CALCRL: variants seen among roughly 807,000 people sequenced by gnomAD.
CALCRL encodes calcitonin gene-related peptide type 1 receptor.
In CALCRL, 27 loss-of-function variants were observed where a neutral mutation model predicts 60.4. The ratio of observed to expected loss-of-function variants is 0.45; its 90% CI spans 0.33 to 0.62. The LOEUF (loss-of-function observed/expected upper bound fraction) is 0.62. Among genes scored for constraint, CALCRL ranks in the 20% least tolerant of loss-of-function variants. The pLI, the probability that CALCRL is intolerant of heterozygous loss-of-function variation, is 0.03. For synonymous variants in CALCRL, 190 were observed against 182.6 expected, an observed-to-expected ratio of 1.04 and a Z score of -0.33; for missense variants, 424 against 540.7, an observed-to-expected ratio of 0.78 and a Z score of 2.14.
intron 1 of CALCRL, among the ~76,000 whole-genome samples, chr2:187,404,436 AGT>A (rs1392748408): frequency 6.6e-6 from 1 of 151,918 alleles, no homozygotes; most frequent in Non-Finnish European, 1.5e-5. Flanking sequence ...TTTTTATAAA[AGT>A]TCAAATCATC....
At chr2:187,376,318 G>A (rs1490949346) in intron 8 of CALCRL, among the ~76,000 whole-genome samples, 1 of 151,604 alleles carries the variant, frequency 6.6e-6, no homozygotes, top group African/African-American at 2.4e-5. Context: ...TAGTAATTTG[G>A]ATTCTTGAAA....
intron 8 of CALCRL, among the ~76,000 whole-genome samples, chr2:187,363,932 T>A (rs1258698678): frequency 6.6e-6 from 1 of 152,206 alleles, no homozygotes; most frequent in South Asian, 2.1e-4. Context: ...ACCATATATA[T>A]TGTTCTGTTT....
chr2:187,410,927 A>G (rs1163831305), intron 1 of CALCRL, among the ~76,000 whole-genome samples: 1 of 152,002 alleles, frequency 6.6e-6, no homozygotes, highest in Non-Finnish European at 1.5e-5. Context: ...CACAGGATTT[A>G]ATGGGATTTA....
At chr2:187,375,062 G>A (rs1211159649) in intron 8 of CALCRL, among the ~76,000 whole-genome samples, 1 of 151,496 alleles carries the variant, frequency 6.6e-6, no homozygotes, top group Non-Finnish European at 1.5e-5. Flanking sequence ...CATGAGGTCA[G>A]GAGATCGAGA....
intron 8 of CALCRL, among the ~76,000 whole-genome samples, chr2:187,364,406 T>C (rs2105737434): frequency 6.6e-6 from 1 of 152,204 alleles, no homozygotes; most frequent in Middle Eastern, 3.4e-3. Flanking sequence ...TGTGAACTCA[T>C]ATGAAGGAAG....
rs191027623 is a variant in CALCRL at position 187,408,494 on chromosome 2, T to C, written c.-292-20738A>G. On this transcript the variant is annotated intron_variant, in intron 1 of 14. Coordinates refer to ENST00000392370, the MANE Select transcript of CALCRL (RefSeq NM_005795.6). ...ATAAAATTATATTATGTACTACATA[T>C]CTTTCCTTTAAAACATTACGATGAT... Among the ~76,000 whole-genome samples, 148 of 152,190 alleles carry C rather than the reference T, an allele frequency of 9.7e-4. 2 individuals carry two copies. The highest frequency in any genetic ancestry group is 3.4e-3 in the African/African-American group (141 of 41,560).
At chr2:187,375,631 T>C (rs1687725749) in intron 8 of CALCRL, among the ~76,000 whole-genome samples, 3 of 152,162 alleles carry the variant, frequency 2.0e-5, no homozygotes, top group South Asian at 4.1e-4. Flanking sequence ...ATATTATTTT[T>C]CTAAAAAATT....
chr2:187,367,011 CTTT>C (rs1429731697), intron 8 of CALCRL, among the ~76,000 whole-genome samples: 2 of 151,322 alleles, frequency 1.3e-5, no homozygotes, highest in Non-Finnish European at 2.9e-5. Flanking sequence ...CCATATTTCT[CTTT>C]TTAAGACCCA....
intron 1 of CALCRL, among the ~76,000 whole-genome samples, chr2:187,422,701 A>G (rs1228964641): frequency 6.6e-6 from 1 of 152,004 alleles, no homozygotes; most frequent in East Asian, 1.9e-4. Context: ...TCTTTTAGAA[A>G]TTATCAGCAA....
intron 1 of CALCRL, among the ~76,000 whole-genome samples, chr2:187,446,045 C>A (rs1233823297): frequency 2.0e-5 from 3 of 151,438 alleles, no homozygotes; most frequent in Non-Finnish European, 3.0e-5. Flanking sequence ...TAACAATAAT[C>A]AAAAACATTA....
Position 187,359,068 on chromosome 2 carries a change from A to G in CALCRL, c.904T>C (p.Leu302=). 1 of 1,611,226 alleles carries G rather than the reference A, an allele frequency of 6.2e-7. No homozygotes were observed. Among genetic ancestry groups the G allele is most frequent in the Non-Finnish European group, 8.5e-7 (1 of 1,177,414 alleles). The stretch of plus-strand genomic sequence containing the variant: ...AAGGAGAATTTGTTACATACCAGTA[A>G]AGCAGCACAAATTGGGCCATGGATA... The part of the protein sequence containing the change: ...YIIHGPICAA[L]LVNLFFLLNI... The change falls in exon 12 of 15, where the codon TTA becomes CTA. Residue 302 remains leucine (L), a synonymous_variant. Transcript: ENST00000392370.
intron 1 of CALCRL, among the ~76,000 whole-genome samples, chr2:187,414,528 G>C (rs1043486582): frequency 6.6e-6 from 1 of 152,146 alleles, no homozygotes; most frequent in African/African-American, 2.4e-5. Context: ...GCCTGGAAGA[G>C]ATTGAAAACA....
At chr2:187,360,902 G>A (rs1307709698) in intron 9 of CALCRL, 151 bp from the exon 10 acceptor site, 10 of 604,160 alleles carry the variant, frequency 1.7e-5, no homozygotes, top group East Asian at 6.2e-5. Context: ...GCCAGTCTTC[G>A]TATTCATGTA....
At chr2:187,349,653 C>G (rs1686441139) in intron 14 of CALCRL, among the ~76,000 whole-genome samples, 1 of 151,616 alleles carries the variant, frequency 6.6e-6, no homozygotes, top group Non-Finnish European at 1.5e-5. Flanking sequence ...TTGGGAACAA[C>G]CTAGCTCAAA....
intron 1 of CALCRL, among the ~76,000 whole-genome samples, chr2:187,422,330 G>C (rs956382206): frequency 3.9e-5 from 6 of 152,106 alleles, no homozygotes; most frequent in African/African-American, 9.7e-5. Flanking sequence ...CTAATAACAA[G>C]TCTGGCTTGA....
rs1433080670 is a variant in CALCRL, at chr2:187,343,736, A to G, written c.*2448T>C. The G allele has an allele frequency of 6.6e-6, 1 of 151,636 alleles. No homozygotes were observed. Among genetic ancestry groups the G allele is most frequent in the African/African-American group, 2.4e-5 (1 of 41,418 alleles). 9.4% of individuals were successfully genotyped at this position (151,636 alleles called of 1,614,324 possible). ...TTGACAGCAAAGAAGTTTGCTTTAAAAAAAGTGTCAGATTTACTTTGCTTT... is the reference window on the plus strand; with the variant it reads ...TTGACAGCAAAGAAGTTTGCTTTAAGAAAAGTGTCAGATTTACTTTGCTTT... On this transcript the variant is annotated 3_prime_UTR_variant, in exon 15 of 15. Coordinates refer to ENST00000392370, the MANE Select transcript of CALCRL (RefSeq NM_005795.6).
chr2:187,397,390 A>G (rs562975190), intron 1 of CALCRL, among the ~76,000 whole-genome samples: 39 of 151,694 alleles, frequency 2.6e-4, no homozygotes, highest in Middle Eastern at 3.4e-3. Context: ...AGTTAATATG[A>G]CTGCACAATT....
At chr2:187,366,873 G>C (rs1408263052) in intron 8 of CALCRL, among the ~76,000 whole-genome samples, 1 of 148,110 alleles carries the variant, frequency 6.8e-6, no homozygotes, top group Non-Finnish European at 1.5e-5. Flanking sequence ...AAAATGAGCT[G>C]CTGGTATATA....
rs1208347443 is a variant in CALCRL at position 187,343,192 on chromosome 2, G to T, written c.*2992C>A. The T allele has an allele frequency of 1.3e-5, 2 of 151,328 alleles. No homozygotes were observed. Among genetic ancestry groups the T allele is most frequent in the African/African-American group, 2.4e-5 (1 of 41,364 alleles). 9.4% of individuals were successfully genotyped at this position (151,328 alleles called of 1,614,324 possible). A position where few individuals can be genotyped will look rare whatever the true frequency, so the allele number is the denominator to read the frequency against. On this transcript the variant is annotated 3_prime_UTR_variant, in exon 15 of 15. Coordinates refer to ENST00000392370, the MANE Select transcript of CALCRL (RefSeq NM_005795.6). The stretch of plus-strand genomic sequence containing the variant: ...TTAAAGAGGGCAAAAGATATATTTT[G>T]TTAAGAGATTTGTTAATTTTGAGAA...
Sources: gnomAD v4.1 joint callset for allele counts (sites outside exome capture counted in the v4.1 genomes callset) on GRCh38, gnomAD v4.1.1 for gene constraint, MANE v1.5 for transcripts, NCBI Gene and HGNC (gene_info 2026-07-23, HGNC 2026-07-21) for gene names.